Variants in CNTNAP5 observed in about 807,000 individuals in gnomAD.
The protein encoded by CNTNAP5 is contactin associated protein family member 5.
Under a neutral mutation model 150.2 loss-of-function variants are expected in CNTNAP5, and 72 were observed. That is an observed-to-expected ratio of 0.48 (90% CI 0.40 to 0.58). The LOEUF is 0.58. Among genes scored for constraint, CNTNAP5 ranks in the 20% least tolerant of loss-of-function variants. The pLI is 0.00. For synonymous variants in CNTNAP5, 672 were observed against 619.8 expected, an observed-to-expected ratio of 1.08 and a Z score of -1.25; for missense variants, 1,636 against 1,626.2, an observed-to-expected ratio of 1.01 and a Z score of -0.10.
At chr2:124,611,360 A>G (rs1296984787) in intron 12 of CNTNAP5, among the ~76,000 whole-genome samples, 1 of 152,242 alleles carries the variant, frequency 6.6e-6, no homozygotes, top group Non-Finnish European at 1.5e-5. Flanking sequence ...ACAAAGTCCT[A>G]TGCTGTCTGC....
intron 6 of CNTNAP5, among the ~76,000 whole-genome samples, chr2:124,468,959 G>A (rs953185238): frequency 7.9e-5 from 12 of 152,210 alleles, no homozygotes; most frequent in Admixed American, 7.9e-4. Flanking sequence ...ACTTGAGACA[G>A]CTCTAACAGG....
intron 19 of CNTNAP5, among the ~76,000 whole-genome samples, chr2:124,826,433 T>C (rs1049990468): frequency 2.6e-5 from 4 of 151,990 alleles, no homozygotes; most frequent in Admixed American, 2.0e-4. Context: ...AGGTGGGGAA[T>C]TAGATGAAGT....
intron 3 of CNTNAP5, among the ~76,000 whole-genome samples, chr2:124,292,224 C>T (rs60129839): frequency 1.3e-3 from 203 of 151,986 alleles, no homozygotes; most frequent in African/African-American, 4.6e-3. Context: ...AGAACATTTC[C>T]CAGTATCTTT....
rs571890669 is a variant in CNTNAP5, at chr2:124,263,245, A to G, written c.381+20852A>G. Among the ~76,000 whole-genome samples, 19 of 152,256 alleles carry G rather than the reference A, an allele frequency of 1.2e-4. 1 individual carries two copies. Among genetic ancestry groups the G allele is most frequent in the Admixed American group, 1.2e-3 (19 of 15,298 alleles). ...CCACACTGTCTTCCACAATGGTTGAACTAGTTTACAGTCCCACCAACAGTG... is the reference window on the plus strand; with the variant it reads ...CCACACTGTCTTCCACAATGGTTGAGCTAGTTTACAGTCCCACCAACAGTG... On this transcript the variant is annotated intron_variant, in intron 3 of 23. Transcript: ENST00000682447.
chr2:124,378,279 A>C (rs920045787), intron 3 of CNTNAP5, among the ~76,000 whole-genome samples: 13 of 152,032 alleles, frequency 8.6e-5, no homozygotes, highest in Admixed American at 6.6e-4. Context: ...TAAAAAAAAA[A>C]CATGCTTTTT....
intron 1 of CNTNAP5, among the ~76,000 whole-genome samples, chr2:124,205,576 G>T (rs1387915503): frequency 1.3e-5 from 2 of 151,974 alleles, no homozygotes; most frequent in African/African-American, 4.8e-5. Context: ...GCACCACCAT[G>T]CCCAGCTAAT....
intron 19 of CNTNAP5, among the ~76,000 whole-genome samples, chr2:124,829,868 A>C (rs964763379): frequency 1.3e-5 from 2 of 151,978 alleles, no homozygotes; most frequent in Admixed American, 6.6e-5. Context: ...CAGTATACTA[A>C]GATAATTAGA....
At chr2:124,579,723 G>A (rs1220439074) in intron 11 of CNTNAP5, among the ~76,000 whole-genome samples, 2 of 152,210 alleles carry the variant, frequency 1.3e-5, no homozygotes, top group South Asian at 2.1e-4. Context: ...ATGAGTGATC[G>A]TGAGGGCACC....
intron 12 of CNTNAP5, among the ~76,000 whole-genome samples, chr2:124,636,634 T>G (rs749089294): frequency 6.6e-6 from 1 of 151,268 alleles, no homozygotes; most frequent in Non-Finnish European, 1.5e-5. Flanking sequence ...CAATTACTCC[T>G]TAACTCTGTG....
chr2:124,122,625 G>C (rs1683590883), intron 1 of CNTNAP5, among the ~76,000 whole-genome samples: 1 of 152,158 alleles, frequency 6.6e-6, no homozygotes, highest in Non-Finnish European at 1.5e-5. Context: ...AGCTGAGATA[G>C]AAGGAAAAGG....
At chr2:124,621,202 G>C (rs1406211478) in intron 12 of CNTNAP5, among the ~76,000 whole-genome samples, 3 of 152,014 alleles carry the variant, frequency 2.0e-5, no homozygotes, top group African/African-American at 7.2e-5. Flanking sequence ...TTTTTCCTTT[G>C]TACAGTACAA....
Position 124,652,548 on chromosome 2 carries a change from A to G in CNTNAP5, c.2077+4590A>G, listed in dbSNP as rs563982452. ...GAAACAGGAGGACAGAAAAATAAAT[A>G]TCAAAGCCATAGTCTGGAAGATTCT... is the stretch of plus-strand genomic sequence containing the variant. On this transcript the variant is annotated intron_variant, in intron 13 of 23. Coordinates refer to ENST00000682447, the MANE Select transcript of CNTNAP5 (RefSeq NM_001367498.1). Among the ~76,000 whole-genome samples, 11 of 152,352 alleles carry G rather than the reference A, an allele frequency of 7.2e-5. No individual in the cohort carries two copies. In the East Asian group the frequency reaches 2.1e-3, roughly 29 times the overall value.
intron 1 of CNTNAP5, among the ~76,000 whole-genome samples, chr2:124,057,248 C>G (rs1681875240): frequency 6.6e-6 from 1 of 150,598 alleles, no homozygotes; most frequent in South Asian, 2.1e-4. Context: ...CTTTCTTTCT[C>G]CTTGTCCCCT....
intron 3 of CNTNAP5, among the ~76,000 whole-genome samples, chr2:124,311,553 CCTTT>C (rs1414909048): frequency 6.6e-6 from 1 of 152,150 alleles, no homozygotes. Flanking sequence ...TCCTAAAAGT[CCTTT>C]CTCCAAATAT....
chr2:124,855,495 A>G (rs1677352716), intron 19 of CNTNAP5, among the ~76,000 whole-genome samples: 1 of 152,050 alleles, frequency 6.6e-6, no homozygotes, highest in African/African-American at 2.4e-5. Context: ...TTTAGGCACT[A>G]GAGTCATATG....
chr2:124,919,412 T>G lies in CNTNAP5; in HGVS notation c.*5124T>G, dbSNP rs1479267797. 6.6e-6 allele frequency among the ~76,000 whole-genome samples: 1 copy of G among 152,114 alleles called. No individual in the cohort carries two copies. The highest frequency in any genetic ancestry group is 1.5e-5 in the Non-Finnish European group (1 of 68,008). ...GCTAGATGTCTGTCTTATGTAATGTTTATAGTCTACAAAATGGCTGAGCAG... is the reference window on the plus strand; with the variant it reads ...GCTAGATGTCTGTCTTATGTAATGTGTATAGTCTACAAAATGGCTGAGCAG... On this transcript the variant is annotated 3_prime_UTR_variant, in exon 24 of 24. Transcript: ENST00000682447.
In CNTNAP5 at chr2:124,253,414, G is replaced by A. The variant is rs190679641; in HGVS notation, c.381+11021G>A. ...GATTTCTTCTTATCTATAAATTTTG[G>A]TTATTCAAACTTTTTACCTTCCTAT... On this transcript the variant is annotated intron_variant, in intron 3 of 23. Transcript: ENST00000682447. 4.0e-5 allele frequency among the ~76,000 whole-genome samples: 6 copies of A among 151,804 alleles called. No homozygotes were observed. In the East Asian group the frequency reaches 9.7e-4, roughly 24 times the overall value.
intron 13 of CNTNAP5, 136 bp from the exon 14 acceptor site, chr2:124,747,093 G>A (rs905451628): frequency 1.5e-6 from 1 of 677,022 alleles, no homozygotes; most frequent in Non-Finnish European, 2.3e-6. Flanking sequence ...ATGTGAGGGA[G>A]GGAAGAAGAC....
At chr2:124,450,695 C>A (rs1692947332) in intron 6 of CNTNAP5, among the ~76,000 whole-genome samples, 2 of 151,774 alleles carry the variant, frequency 1.3e-5, no homozygotes, top group African/African-American at 4.8e-5. Context: ...AGTTTACTTC[C>A]AGCCTGGAGC....
Sources: gnomAD v4.1 joint callset for allele counts (sites outside exome capture counted in the v4.1 genomes callset) on GRCh38, gnomAD v4.1.1 for gene constraint, MANE v1.5 for transcripts, NCBI Gene and HGNC (gene_info 2026-07-23, HGNC 2026-07-21) for gene names.